ERICH2: variants seen among roughly 807,000 people sequenced by gnomAD.
The protein encoded by ERICH2 is glutamate-rich protein 2.
Under a neutral mutation model 17.4 loss-of-function variants are expected in ERICH2, and 17 were observed. The observed-to-expected ratio is 0.98, with a 90% CI of 0.67 to 1.47. The LOEUF (loss-of-function observed/expected upper bound fraction) is 1.47, where lower values mean the gene tolerates loss of function less well. ERICH2 is among the 40% of genes most tolerant of loss of function. The pLI is 0.00. For synonymous variants in ERICH2, 51 were observed against 61.1 expected, an observed-to-expected ratio of 0.83 and a Z score of 0.77; for missense variants, 186 against 183.2, an observed-to-expected ratio of 1.01 and a Z score of -0.09.
intron 1 of ERICH2, among the ~76,000 whole-genome samples, chr2:170,784,210 A>G (rs897359729): frequency 3.3e-5 from 5 of 152,232 alleles, no homozygotes; most frequent in Non-Finnish European, 5.9e-5. Context: ...AAAGACTTCC[A>G]CAAAGCTGAA....
At chr2:170,774,311 C>T in the ERICH2 span, among the ~76,000 whole-genome samples, 2 of 152,266 alleles carry the variant, frequency 1.3e-5, no homozygotes, top group Admixed American at 1.3e-4. Flanking sequence ...GACATCTTTC[C>T]AAACTTTTCT....
the ERICH2 span, among the ~76,000 whole-genome samples, chr2:170,776,129 A>G: frequency 6.6e-6 from 1 of 152,194 alleles, no homozygotes; most frequent in East Asian, 1.9e-4. Flanking sequence ...CAGATATATA[A>G]AAGGCTACAC....
At chr2:170,791,356 G>A (rs1431130956) in intron 2 of ERICH2, among the ~76,000 whole-genome samples, 1 of 152,044 alleles carries the variant, frequency 6.6e-6, no homozygotes, top group Non-Finnish European at 1.5e-5. Flanking sequence ...ATGATGATGG[G>A]TTAGTAACTT....
chr2:170,789,482 C>T (rs1188574582), intron 2 of ERICH2, among the ~76,000 whole-genome samples: 1 of 152,078 alleles, frequency 6.6e-6, no homozygotes, highest in Non-Finnish European at 1.5e-5. Flanking sequence ...TAGCTTCTAG[C>T]TGGATTTTTT....
the ERICH2 span, among the ~76,000 whole-genome samples, chr2:170,775,273 A>T: frequency 4.6e-5 from 7 of 151,818 alleles, no homozygotes; most frequent in Admixed American, 1.3e-4. Context: ...TCAAAAATAA[A>T]AAAAAAAAAA....
intron 2 of ERICH2, among the ~76,000 whole-genome samples, chr2:170,785,074 G>A (rs2216134): frequency 0.26 from 38,831 of 151,880 alleles, 5,640 homozygotes; most frequent in South Asian, 0.35. Context: ...CAGTAGGGAA[G>A]TTATAGTTAA....
At chr2:170,798,716 T>C (rs962762249) in intron 4 of ERICH2, 54 bp from the exon 10 acceptor site, 3 of 1,542,120 alleles carry the variant, frequency 1.9e-6, no homozygotes, top group African/African-American at 2.8e-5. Context: ...GAATTATTTT[T>C]CAGAGTGAAA....
chr2:170,788,495 C>T (rs1464835286), intron 2 of ERICH2, among the ~76,000 whole-genome samples: 1 of 152,046 alleles, frequency 6.6e-6, no homozygotes, highest in South Asian at 2.1e-4. Context: ...ATTTTCGAGA[C>T]GGAGTCTTGC....
the ERICH2 span, among the ~76,000 whole-genome samples, chr2:170,775,062 C>T: frequency 9.2e-5 from 14 of 152,024 alleles, no homozygotes; most frequent in Admixed American, 1.3e-4. Context: ...ATTATGTGCA[C>T]GAATGTTTCA....
At chr2:170,788,595 C>T (rs1342821575) in intron 2 of ERICH2, among the ~76,000 whole-genome samples, 2 of 151,940 alleles carry the variant, frequency 1.3e-5, no homozygotes, top group African/African-American at 2.4e-5. Flanking sequence ...CCTCAGTCTC[C>T]CGAGTACCTG....
intron 2 of ERICH2, among the ~76,000 whole-genome samples, chr2:170,788,094 T>G (rs1241470811): frequency 2.0e-5 from 3 of 152,228 alleles, no homozygotes; most frequent in Non-Finnish European, 4.4e-5. Flanking sequence ...ATCAGTCATA[T>G]TATATTTACT....
At chr2:170,774,246 A>C in the ERICH2 span, among the ~76,000 whole-genome samples, 3 of 152,202 alleles carry the variant, frequency 2.0e-5, no homozygotes, top group South Asian at 6.2e-4. Flanking sequence ...TGCTTGTCTC[A>C]ATCACAGTAA....
chr2:170,796,440 G>GGTTT (rs1553569093), intron 3 of ERICH2, among the ~76,000 whole-genome samples: 3,119 of 83,398 alleles, frequency 0.037, 148 homozygotes, highest in African/African-American at 0.11. Context: ...TTTTTTTTTT[G>GGTTT]TTTTTTTTTT....
chr2:170,774,235 C>A, the ERICH2 span, among the ~76,000 whole-genome samples: 1 of 152,178 alleles, frequency 6.6e-6, no homozygotes, highest in Non-Finnish European at 1.5e-5. Flanking sequence ...CAGAGATAAT[C>A]TGCTTGTCTC....
chr2:170,778,801 A>ACT (rs1700965784), upstream of ERICH2, among the ~76,000 whole-genome samples: 1 of 152,206 alleles, frequency 6.6e-6, no homozygotes, highest in East Asian at 1.9e-4. Flanking sequence ...TCATAGATGA[A>ACT]AAGAAATTAC....
At chr2:170,786,072 AT>A (rs1294618326) in intron 2 of ERICH2, among the ~76,000 whole-genome samples, 1 of 152,032 alleles carries the variant, frequency 6.6e-6, no homozygotes, top group Non-Finnish European at 1.5e-5. Flanking sequence ...AGATTTTAAA[AT>A]CTCTTTTCAA....
intron 2 of ERICH2, among the ~76,000 whole-genome samples, chr2:170,788,861 C>T (rs1320266146): frequency 6.6e-6 from 1 of 152,168 alleles, no homozygotes; most frequent in African/African-American, 2.4e-5. Flanking sequence ...ATTCACTACT[C>T]ATTAACATTG....
At chr2:170,776,750 G>T in the ERICH2 span, among the ~76,000 whole-genome samples, 1 of 150,394 alleles carries the variant, frequency 6.6e-6, no homozygotes, top group Non-Finnish European at 1.5e-5. Context: ...AAACCAAAAA[G>T]ATAACAGAGA....
At chr2:170,778,727 G>GTT in the ERICH2 span, among the ~76,000 whole-genome samples, 2 of 152,056 alleles carry the variant, frequency 1.3e-5, no homozygotes, top group Non-Finnish European at 2.9e-5. Context: ...TCTAAAAAAT[G>GTT]TTTAGTTGTC....
Sources: gnomAD v4.1 joint callset for allele counts (sites outside exome capture counted in the v4.1 genomes callset) on GRCh38, gnomAD v4.1.1 for gene constraint, MANE v1.5 for transcripts, NCBI Gene and HGNC (gene_info 2026-07-23, HGNC 2026-07-21) for gene names.